MAP4K3: variants seen among roughly 807,000 people sequenced by gnomAD.
MAP4K3 encodes the protein MAPK/ERK kinase kinase kinase 3.
A neutral mutation model predicts 143.5 loss-of-function variants in MAP4K3; 94 were observed. The observed-to-expected ratio is 0.65, with a 90% CI of 0.55 to 0.78. The LOEUF is 0.78. Ranked by LOEUF, MAP4K3 falls within the 30% of genes least tolerant of loss-of-function variation. The pLI is 0.00. For synonymous variants in MAP4K3, 416 were observed against 347.2 expected, an observed-to-expected ratio of 1.20 and a Z score of -2.20; for missense variants, 1,077 against 1,068.1, an observed-to-expected ratio of 1.01 and a Z score of -0.12.
chr2:39,364,385 T>C (rs1311215281), intron 2 of MAP4K3, among the ~76,000 whole-genome samples: 1 of 152,224 alleles, frequency 6.6e-6, no homozygotes, highest in East Asian at 1.9e-4. Flanking sequence ...GTTAAGAGAA[T>C]AGGTATCATG....
chr2:39,418,609 T>C (rs989178057), intron 1 of MAP4K3, among the ~76,000 whole-genome samples: 2 of 152,116 alleles, frequency 1.3e-5, no homozygotes, highest in Admixed American at 6.5e-5. Context: ...AAAGTTAACA[T>C]TGCCGGTGAT....
At chr2:39,388,733 G>A (rs545673597) in intron 1 of MAP4K3, among the ~76,000 whole-genome samples, 5 of 152,184 alleles carry the variant, frequency 3.3e-5, no homozygotes, top group East Asian at 1.9e-4. Flanking sequence ...TAGAGCATAG[G>A]GTTAAAATTT....
intron 1 of MAP4K3, among the ~76,000 whole-genome samples, chr2:39,428,923 C>T (rs1311596660): frequency 6.6e-6 from 1 of 151,718 alleles, no homozygotes; most frequent in African/African-American, 2.4e-5. Context: ...CAAAAATTAG[C>T]CCAGCATGGT....
At chr2:39,293,089 CCTGGGCAACAGA>C in intron 17 of MAP4K3, 129 bp downstream of exon 17, 1 of 730,956 alleles carries the variant, frequency 1.4e-6, no homozygotes, top group Middle Eastern at 2.6e-4. Context: ...TGCAATCCAG[CCTGGGCAACAGA>C]GCGAGACCCT....
chr2:39,349,007 A>G (rs1464510542), intron 3 of MAP4K3, among the ~76,000 whole-genome samples: 3 of 152,094 alleles, frequency 2.0e-5, no homozygotes, highest in South Asian at 2.1e-4. Context: ...AGGATCAGCA[A>G]CTCTCTAATA....
At chr2:39,387,299 T>G (rs1285573619) in intron 1 of MAP4K3, among the ~76,000 whole-genome samples, 4 of 152,210 alleles carry the variant, frequency 2.6e-5, no homozygotes, top group African/African-American at 9.6e-5. Context: ...TGGAAGTACA[T>G]TAAATCTATA....
At chr2:39,393,364 TTTAC>T (rs1349947772) in intron 1 of MAP4K3, among the ~76,000 whole-genome samples, 2 of 152,180 alleles carry the variant, frequency 1.3e-5, no homozygotes, top group Non-Finnish European at 2.9e-5. Context: ...TTAGAAGCCT[TTTAC>T]TTAAGATAAT....
intron 15 of MAP4K3, 129 bp from the exon 16 acceptor site, chr2:39,299,930 C>A (rs942851975): frequency 7.9e-6 from 3 of 378,772 alleles, no homozygotes; most frequent in African/African-American, 6.3e-5. Context: ...TATTGCTATA[C>A]ATTCTTAAAA....
At chr2:39,255,451 G>C (rs1349467090) in intron 31 of MAP4K3, among the ~76,000 whole-genome samples, 1 of 152,068 alleles carries the variant, frequency 6.6e-6, no homozygotes, top group Non-Finnish European at 1.5e-5. Context: ...AGCATCATTT[G>C]TTGAATGGCC....
intron 12 of MAP4K3, among the ~76,000 whole-genome samples, chr2:39,320,999 A>C (rs948456712): frequency 1.3e-5 from 2 of 152,234 alleles, no homozygotes; most frequent in Non-Finnish European, 2.9e-5. Flanking sequence ...AAAGACTGAA[A>C]TATTAAATAC....
chr2:39,293,144 CA>C lies in MAP4K3; in HGVS notation c.1217+85del, dbSNP rs1682121779. On this transcript the variant is annotated intron_variant, in intron 17 of 33. Coordinates refer to ENST00000263881, the MANE Select transcript of MAP4K3 (RefSeq NM_003618.4). ...TTAAAGAAAAAAAAGACAACGCAAA[CA>C]AATAGGCTACATAACAGAGAAGAAG... 5 of 978,222 alleles carry C rather than the reference CA, an allele frequency of 5.1e-6. No individual in the cohort carries two copies. In the Admixed American group the frequency reaches 1.3e-4, roughly 26 times the overall value. The allele number at this position is 978,222 out of a possible 1,614,324, so 60.6% of individuals were successfully genotyped here.
chr2:39,341,235 G>A (rs1157595324), intron 4 of MAP4K3, among the ~76,000 whole-genome samples: 2 of 152,044 alleles, frequency 1.3e-5, no homozygotes, highest in Non-Finnish European at 2.9e-5. Flanking sequence ...AAAGACAATG[G>A]CCCACCTTCT....
At chr2:39,289,748 A>T (rs1238331562) in intron 19 of MAP4K3, among the ~76,000 whole-genome samples, 1 of 152,228 alleles carries the variant, frequency 6.6e-6, no homozygotes, top group Non-Finnish European at 1.5e-5. Context: ...CCATTAATAC[A>T]ATCATTTTCA....
intron 4 of MAP4K3, among the ~76,000 whole-genome samples, chr2:39,339,545 A>T (rs1665080453): frequency 6.6e-6 from 1 of 152,350 alleles, no homozygotes; most frequent in Admixed American, 6.5e-5. Flanking sequence ...GGGCTTTAGC[A>T]TTATCCTCTA....
chr2:39,346,242 A>G (rs1037046873), intron 3 of MAP4K3, among the ~76,000 whole-genome samples: 1 of 152,190 alleles, frequency 6.6e-6, no homozygotes, highest in Non-Finnish European at 1.5e-5. Flanking sequence ...GTTAGCTGAA[A>G]GCTATCGTTA....
At chr2:39,304,387 CAT>C (rs1477395658) in intron 15 of MAP4K3, among the ~76,000 whole-genome samples, 4 of 152,174 alleles carry the variant, frequency 2.6e-5, no homozygotes. Flanking sequence ...GAGGGCCAGA[CAT>C]TCTGGATTCC....
At chr2:39,284,177 T>A (rs1309528843) in intron 21 of MAP4K3, among the ~76,000 whole-genome samples, 1 of 152,170 alleles carries the variant, frequency 6.6e-6, no homozygotes, top group African/African-American at 2.4e-5. Context: ...TTTTTTATTT[T>A]TTTTGAGACA....
At chr2:39,428,643 TC>T (rs1408198039) in intron 1 of MAP4K3, among the ~76,000 whole-genome samples, 1 of 151,496 alleles carries the variant, frequency 6.6e-6, no homozygotes, top group Non-Finnish European at 1.5e-5. Flanking sequence ...GCCATCGCAC[TC>T]CAACCTGGGC....
Position 39,331,988 on chromosome 2 carries a change from A to G in MAP4K3, c.459T>C (p.Ala153=). 1.3e-6 allele frequency: 2 copies of G among 1,513,150 alleles called. No individual in the cohort carries two copies. The highest frequency in any genetic ancestry group is 1.8e-6 in the Non-Finnish European group (2 of 1,116,276). 93.7% of individuals were successfully genotyped at this position (1,513,150 alleles called of 1,614,324 possible). The part of the protein sequence containing the change: ...LLTDNGHVKL[A]DFGVSAQITA... ...TTATCTGTGCAGATACTCCAAAATC[A>G]GCTATTAAAAAAAATGAGAAACATT... is the stretch of plus-strand genomic sequence containing the variant. The change falls in exon 8 of 34, where the codon GCT becomes GCC. Residue 153 remains alanine, a splice_region_variant and synonymous_variant. Coordinates refer to ENST00000263881, the MANE Select transcript of MAP4K3 (RefSeq NM_003618.4).
Sources: gnomAD v4.1 joint callset for allele counts (sites outside exome capture counted in the v4.1 genomes callset) on GRCh38, gnomAD v4.1.1 for gene constraint, MANE v1.5 for transcripts, NCBI Gene and HGNC (gene_info 2026-07-23, HGNC 2026-07-21) for gene names.